NFIA: variants seen among roughly 807,000 people sequenced by gnomAD.
The protein encoded by NFIA is nuclear factor 1 A-type.
Under a neutral mutation model 62.8 loss-of-function variants are expected in NFIA, and 8 were observed. That is an observed-to-expected ratio of 0.13 (90% confidence interval 0.07 to 0.23). The LOEUF (loss-of-function observed/expected upper bound fraction) is 0.23, where lower values mean the gene tolerates loss of function less well. NFIA is among the 10% of genes least tolerant of loss of function. NFIA has a pLI of 1.00. For missense variants in NFIA, 410 were observed against 642.1 expected (o/e 0.64, Z 3.91); for synonymous variants, 235 against 238.1 (o/e 0.99, Z 0.12).
intron 6 of NFIA, among the ~76,000 whole-genome samples, chr1:61,377,648 G>T (rs1330000070): frequency 6.6e-6 from 1 of 152,140 alleles, no homozygotes; most frequent in Non-Finnish European, 1.5e-5. Flanking sequence ...GACTATAAAT[G>T]AACATTATTG....
rs1668249506 is a variant in NFIA at position 61,455,323 on chromosome 1, G to T, written c.*3G>T. The T allele has an allele frequency of 6.2e-7, 1 of 1,613,908 alleles. No homozygotes were observed. Among genetic ancestry groups the T allele is most frequent in the Non-Finnish European group, 8.5e-7 (1 of 1,179,984 alleles). On this transcript the variant is annotated 3_prime_UTR_variant, in exon 11 of 11. Transcript: ENST00000403491. ...TCCAGTCCTGGTACCTGGGATAAAA[G>T]TTGCAGCGTCCCACCATCCACCAGA...
rs565226396 is a variant in NFIA at position 61,413,391 on chromosome 1, TC to T, written c.1420+6666del. ...TTATCTTATCCCATCTTCTCAACAC[TC>T]CTATGAGGTCAGGATTTCATAGGCA... On this transcript the variant is annotated intron_variant, in intron 9 of 10. Coordinates refer to ENST00000403491, the MANE Select transcript of NFIA (RefSeq NM_001134673.4). 1.9e-4 allele frequency among the ~76,000 whole-genome samples: 29 copies of T among 152,156 alleles called. 1 individual carries two copies. The East Asian group carries it at 5.6e-3, about 29-fold the overall frequency.
chr1:61,091,213 A>C (rs1251584599), intron 2 of NFIA, among the ~76,000 whole-genome samples: 1 of 152,136 alleles, frequency 6.6e-6, no homozygotes, highest in Non-Finnish European at 1.5e-5. Context: ...ATGGTCATAG[A>C]AATTAGATCT....
chr1:61,261,837 T>G (rs532552793), intron 2 of NFIA, among the ~76,000 whole-genome samples: 1 of 152,192 alleles, frequency 6.6e-6, no homozygotes, highest in African/African-American at 2.4e-5. Flanking sequence ...TTAGTAAAAG[T>G]TTCCTCAGTG....
At chr1:61,159,891 A>G (rs947161915) in intron 2 of NFIA, among the ~76,000 whole-genome samples, 4 of 152,126 alleles carry the variant, frequency 2.6e-5, no homozygotes, top group African/African-American at 9.7e-5. Flanking sequence ...CATGTTGGCC[A>G]GGCTGGTCTC....
intron 2 of NFIA, among the ~76,000 whole-genome samples, chr1:61,148,513 C>G (rs1221092372): frequency 6.6e-6 from 1 of 152,156 alleles, no homozygotes; most frequent in Non-Finnish European, 1.5e-5. Context: ...TTTCATATCT[C>G]TATGATAACA....
At chr1:61,093,338 G>A (rs928813676) in intron 2 of NFIA, among the ~76,000 whole-genome samples, 1 of 151,886 alleles carries the variant, frequency 6.6e-6, no homozygotes, top group Non-Finnish European at 1.5e-5. Flanking sequence ...ACTGTATATT[G>A]TATACACAAT....
chr1:61,094,129 A>G (rs1425969092), intron 2 of NFIA, among the ~76,000 whole-genome samples: 1 of 152,250 alleles, frequency 6.6e-6, no homozygotes, highest in Non-Finnish European at 1.5e-5. Context: ...AATGTGCTAA[A>G]CACTGATTTA....
chr1:61,196,588 T>G (rs1652017139), intron 2 of NFIA, among the ~76,000 whole-genome samples: 1 of 151,820 alleles, frequency 6.6e-6, no homozygotes, highest in Admixed American at 6.6e-5. Flanking sequence ...TATATATTAT[T>G]TTTTTTTGTA....
chr1:61,428,254 G>C (rs1369587936), intron 10 of NFIA, among the ~76,000 whole-genome samples: 5 of 152,064 alleles, frequency 3.3e-5, no homozygotes, highest in African/African-American at 9.7e-5. Flanking sequence ...CTTCACAAAT[G>C]CCTTACTTAA....
At chr1:61,203,810 GA>G (rs963529021) in intron 2 of NFIA, among the ~76,000 whole-genome samples, 3 of 151,716 alleles carry the variant, frequency 2.0e-5, no homozygotes, top group Admixed American at 1.3e-4. Flanking sequence ...CTGAATTAAA[GA>G]AAAAAAAGAA....
chr1:61,372,567 CATT>C (rs1483745451), intron 6 of NFIA, among the ~76,000 whole-genome samples: 5 of 132,134 alleles, frequency 3.8e-5, no homozygotes, highest in South Asian at 2.6e-4. Flanking sequence ...TCTGATATGT[CATT>C]GTTGTTAAAA....
chr1:61,088,716 G>A lies in NFIA; in HGVS notation c.559+36G>A, dbSNP rs1224536429. The A allele has an allele frequency of 1.3e-6, 2 of 1,580,844 alleles. No individual in the cohort carries two copies. The highest frequency in any genetic ancestry group is 2.7e-5 in the African/African-American group (2 of 73,902). On this transcript the variant is annotated intron_variant, in intron 2 of 10. Coordinates refer to ENST00000403491, the MANE Select transcript of NFIA (RefSeq NM_001134673.4). This position sits in a 1 kb window ranked among gnomAD's most constrained non-coding sequence, Gnocchi z 4.5. Reference sequence around the variant, plus strand: ...TGGTGAGAATTCCTCCCACTTTCTTGTGTGTGTTTCTTTCCTGATGGCCTC... The same window carrying A: ...TGGTGAGAATTCCTCCCACTTTCTTATGTGTGTTTCTTTCCTGATGGCCTC...
chr1:61,455,465 G>T lies in NFIA; in HGVS notation c.*145G>T. The T allele has an allele frequency of 2.2e-6, 3 of 1,342,656 alleles. No homozygotes were observed. The highest frequency in any genetic ancestry group is 2.1e-6 in the Non-Finnish European group (2 of 950,768). 83.2% of individuals were successfully genotyped at this position (1,342,656 alleles called of 1,614,324 possible). A position where few individuals can be genotyped will look rare whatever the true frequency, so the allele number is the denominator to read the frequency against. On this transcript the variant is annotated 3_prime_UTR_variant, in exon 11 of 11. Coordinates refer to ENST00000403491, the MANE Select transcript of NFIA (RefSeq NM_001134673.4). ...ACCGATTCAAATCAACTTGTACATGGAAACAGCAAGCATTATGGTCAAACA... is the reference window on the plus strand; with the variant it reads ...ACCGATTCAAATCAACTTGTACATGTAAACAGCAAGCATTATGGTCAAACA...
At chr1:61,364,822 A>T (rs1389267150) in intron 6 of NFIA, among the ~76,000 whole-genome samples, 1 of 152,146 alleles carries the variant, frequency 6.6e-6, no homozygotes. Flanking sequence ...GTTCTCTTCT[A>T]CAAGTGTAAG....
intron 2 of NFIA, among the ~76,000 whole-genome samples, chr1:61,214,114 G>A (rs1274710264): frequency 6.6e-6 from 1 of 152,206 alleles, no homozygotes; most frequent in African/African-American, 2.4e-5. Context: ...TGTGTGGAGG[G>A]TGTCATTTTC....
chr1:61,282,885 C>T (rs917263454), intron 3 of NFIA, among the ~76,000 whole-genome samples: 4 of 151,222 alleles, frequency 2.6e-5, no homozygotes, highest in Non-Finnish European at 5.9e-5. Flanking sequence ...TAGATGATTT[C>T]CTTTAGGTTT....
At chr1:61,261,705 T>C (rs1432271549) in intron 2 of NFIA, among the ~76,000 whole-genome samples, 1 of 152,226 alleles carries the variant, frequency 6.6e-6, no homozygotes, top group African/African-American at 2.4e-5. Context: ...ACAGGCCTAA[T>C]GTAAGGTACA....
At chr1:61,452,267 A>ATTG (rs933055979) in intron 10 of NFIA, among the ~76,000 whole-genome samples, 2 of 151,162 alleles carry the variant, frequency 1.3e-5, no homozygotes, top group African/African-American at 4.9e-5. Flanking sequence ...TATTATTATT[A>ATTG]TTATTATTAT....
Sources: gnomAD v4.1 joint callset for allele counts (sites outside exome capture counted in the v4.1 genomes callset) on GRCh38, gnomAD v4.1.1 for gene constraint, Gnocchi (gnomAD v3.1) non-coding constraint, MANE v1.5 for transcripts, NCBI Gene and HGNC (gene_info 2026-07-23, HGNC 2026-07-21) for gene names.